CRTC1: variants seen among roughly 807,000 people sequenced by gnomAD.
The protein encoded by CRTC1 is CREB regulated transcription coactivator 1, also known as CREB-regulated transcription coactivator 1.
In CRTC1, 18 loss-of-function variants were observed where a neutral mutation model predicts 66.1. That is an observed-to-expected ratio of 0.27 (90% CI 0.19 to 0.40). The LOEUF (loss-of-function observed/expected upper bound fraction) is 0.40, where lower values mean the gene tolerates loss of function less well. CRTC1 is among the 10% of genes least tolerant of loss of function. The pLI, the probability that CRTC1 is intolerant of heterozygous loss-of-function variation, is 1.00. For missense variants in CRTC1, 669 were observed against 887.9 expected (o/e 0.75, Z 3.13); for synonymous variants, 416 against 398.8 (o/e 1.04, Z -0.51).
intron 1 of CRTC1, among the ~76,000 whole-genome samples, chr19:18,703,942 T>C (rs1334067031): frequency 6.6e-6 from 1 of 152,194 alleles, no homozygotes; most frequent in Non-Finnish European, 1.5e-5. Context: ...TCCTCCAATC[T>C]GTGATGGTTC....
At chr19:18,690,206 C>T (rs1381069886) in intron 1 of CRTC1, among the ~76,000 whole-genome samples, 1 of 152,018 alleles carries the variant, frequency 6.6e-6, no homozygotes, top group Non-Finnish European at 1.5e-5. Context: ...AAAAAGTACC[C>T]AGGCAAGACA....
intron 1 of CRTC1, among the ~76,000 whole-genome samples, chr19:18,691,833 C>A (rs1458677739): frequency 1.3e-5 from 2 of 152,096 alleles, no homozygotes; most frequent in Non-Finnish European, 2.9e-5. Flanking sequence ...CCTGCCTCAG[C>A]CTCCCGAGTA....
intron 1 of CRTC1, among the ~76,000 whole-genome samples, chr19:18,732,897 C>T (rs1471853412): frequency 2.0e-5 from 3 of 151,858 alleles, no homozygotes; most frequent in Non-Finnish European, 2.9e-5. Flanking sequence ...CAAGACCAGC[C>T]TGGGCAACAT....
At chr19:18,736,155 A>G (rs1014330549) in intron 1 of CRTC1, among the ~76,000 whole-genome samples, 2 of 152,164 alleles carry the variant, frequency 1.3e-5, no homozygotes, top group African/African-American at 4.8e-5. Context: ...GTGTCCTTCA[A>G]GTCGGCACAC....
At chr19:18,774,153 C>T (rs995642768) in intron 11 of CRTC1, among the ~76,000 whole-genome samples, 3 of 152,104 alleles carry the variant, frequency 2.0e-5, no homozygotes, top group South Asian at 2.1e-4. Flanking sequence ...CCCGAGGCCT[C>T]GTCCACGGCC....
intron 13 of CRTC1, among the ~76,000 whole-genome samples, chr19:18,776,220 C>T (rs571056438): frequency 3.2e-4 from 49 of 152,334 alleles, no homozygotes; most frequent in African/African-American, 1.1e-3. Flanking sequence ...GTCTGGTGAG[C>T]CCAGCCTGGG....
At chr19:18,729,240 G>A (rs1401421359) in intron 1 of CRTC1, among the ~76,000 whole-genome samples, 2 of 150,150 alleles carry the variant, frequency 1.3e-5, no homozygotes, top group Non-Finnish European at 3.0e-5. Flanking sequence ...CCTGGCTAAC[G>A]TGGTAAAACC....
Position 18,765,428 on chromosome 19 carries a change from C to T in CRTC1, c.911C>T (p.Pro304Leu). Reference protein sequence around the residue: ...GQGMSTPGSSPQHRPAGVSPL... With the variant: ...GQGMSTPGSSLQHRPAGVSPL... ...GGAATGAGCACACCTGGCTCCTCTC[C>T]ACAGCACCGCCCAGCTGGCGTCAGC... The change falls in exon 9 of 14, where the codon CCA (proline) becomes CTA (leucine). Residue 304 changes from proline to leucine, a missense_variant. Pro to Leu is a moderately conservative substitution (Grantham distance 98, BLOSUM62 -3). This residue lies in a region of CRTC1 where 241 missense variants were observed against 242.2 expected (regional missense o/e 0.99). Transcript: ENST00000321949. 1 of 1,613,156 alleles carries T rather than the reference C, an allele frequency of 6.2e-7. No homozygotes were observed. The highest frequency in any genetic ancestry group is 1.3e-5 in the African/African-American group (1 of 75,052).
intron 3 of CRTC1, 69 bp from the exon 4 acceptor site, chr19:18,746,984 C>T (rs2054254176): frequency 2.0e-6 from 3 of 1,497,786 alleles, no homozygotes; most frequent in Non-Finnish European, 2.8e-6. Context: ...GGCTTCCTGC[C>T]CTGGGCTGAG....
At chr19:18,701,145 G>T (rs2053127652) in intron 1 of CRTC1, among the ~76,000 whole-genome samples, 1 of 152,262 alleles carries the variant, frequency 6.6e-6, no homozygotes, top group African/African-American at 2.4e-5. Context: ...TGCCGGCTCA[G>T]CCGGGGCAGA....
intron 11 of CRTC1, 116 bp from the exon 12 acceptor site, chr19:18,774,784 C>T (rs1247225668): frequency 2.2e-6 from 2 of 907,514 alleles, no homozygotes; most frequent in Non-Finnish European, 3.5e-6. Flanking sequence ...TCATCATCAG[C>T]CTCCTGCCGT....
chr19:18,726,365 G>GC (rs1232675521), intron 1 of CRTC1, among the ~76,000 whole-genome samples: 1 of 152,252 alleles, frequency 6.6e-6, no homozygotes, highest in African/African-American at 2.4e-5. Context: ...GGAGCTGGCT[G>GC]CCCCAGAGGA....
chr19:18,712,616 G>A (rs1180754145), intron 1 of CRTC1, among the ~76,000 whole-genome samples: 2 of 152,132 alleles, frequency 1.3e-5, no homozygotes, highest in Non-Finnish European at 2.9e-5. Context: ...TCTCAATATT[G>A]TACAGTGAAC....
In CRTC1 at chr19:18,778,867, C is replaced by G. The variant is rs541289990; in HGVS notation, c.*1485C>G. The G allele has an allele frequency of 2.6e-3, 600 of 231,508 alleles. 3 individuals are homozygous for G. Among genetic ancestry groups the G allele is most frequent in the African/African-American group, 0.012 (528 of 45,350 alleles). The allele number at this position is 231,508 out of a possible 1,614,324, so 14.3% of individuals were successfully genotyped here. A position where few individuals can be genotyped will look rare whatever the true frequency, so the allele number is the denominator to read the frequency against. ...CTGGCTCCTAGCCCACACCCCCTCTCTTGGGCAGCGTGGTCTGCTGGCTGC... is the reference window on the plus strand; with the variant it reads ...CTGGCTCCTAGCCCACACCCCCTCTGTTGGGCAGCGTGGTCTGCTGGCTGC... On this transcript the variant is annotated 3_prime_UTR_variant, in exon 14 of 14. Coordinates refer to ENST00000321949, the MANE Select transcript of CRTC1 (RefSeq NM_015321.3).
intron 1 of CRTC1, among the ~76,000 whole-genome samples, chr19:18,718,469 T>C (rs1231166756): frequency 6.6e-6 from 1 of 151,676 alleles, no homozygotes; most frequent in Non-Finnish European, 1.5e-5. Context: ...CTCGAATAGC[T>C]GAAATTATTG....
chr19:18,700,351 C>A (rs1342189559), intron 1 of CRTC1, among the ~76,000 whole-genome samples: 1 of 152,170 alleles, frequency 6.6e-6, no homozygotes, highest in Non-Finnish European at 1.5e-5. Flanking sequence ...ACATACCCCA[C>A]TCTGGTATTT....
chr19:18,709,778 G>A (rs891016901), intron 1 of CRTC1, among the ~76,000 whole-genome samples: 1 of 152,166 alleles, frequency 6.6e-6, no homozygotes, highest in Non-Finnish European at 1.5e-5. Flanking sequence ...AGGACCTGAG[G>A]GCTCCGAGGG....
At position 18,741,892 on chromosome 19, in the gene CRTC1, G is replaced by A. The variant is rs1007732795; in HGVS notation, c.127-1018G>A. On this transcript the variant is annotated intron_variant, in intron 1 of 13. Coordinates refer to ENST00000321949, the MANE Select transcript of CRTC1 (RefSeq NM_015321.3). This position sits in a 1 kb window ranked among gnomAD's most constrained non-coding sequence, Gnocchi z 4.2. ...CCAGGGCCCCCTAGGAAGCTGGGGCGGTGGGGCAGCCAGCTCTCCACGCAC... is the reference window on the plus strand; with the variant it reads ...CCAGGGCCCCCTAGGAAGCTGGGGCAGTGGGGCAGCCAGCTCTCCACGCAC... Among the ~76,000 whole-genome samples, 8 of 152,118 alleles carry A rather than the reference G, an allele frequency of 5.3e-5. No individual in the cohort carries two copies. The highest frequency in any genetic ancestry group is 1.4e-4 in the African/African-American group (6 of 41,426).
chr19:18,694,551 G>A (rs1423453955), intron 1 of CRTC1, among the ~76,000 whole-genome samples: 5 of 152,100 alleles, frequency 3.3e-5, no homozygotes, highest in Non-Finnish European at 7.4e-5. Flanking sequence ...TCCCACCTCA[G>A]CCCCCTGAGT....
Sources: gnomAD v4.1 joint callset for allele counts (sites outside exome capture counted in the v4.1 genomes callset) on GRCh38, gnomAD v4.1.1 for gene constraint, gnomAD v4.1.1 regional missense constraint, Gnocchi (gnomAD v3.1) non-coding constraint, MANE v1.5 for transcripts, NCBI Gene and HGNC (gene_info 2026-07-23, HGNC 2026-07-21) for gene names.